CIITA: variants seen among roughly 807,000 people sequenced by gnomAD.
CIITA encodes class II major histocompatibility complex transactivator.
A neutral mutation model predicts 115.1 loss-of-function variants in CIITA; 72 were observed. That is an observed-to-expected ratio of 0.63 (90% confidence interval 0.52 to 0.76). CIITA has a LOEUF of 0.76. Among genes scored for constraint, CIITA ranks in the 30% least tolerant of loss-of-function variants. The pLI, the probability that CIITA is intolerant of heterozygous loss-of-function variation, is 0.00. For missense variants in CIITA, 1,617 were observed against 1,463.8 expected (o/e 1.10, Z -1.71); for synonymous variants, 763 against 635.6 (o/e 1.20, Z -3.02).
At chr16:10,877,434 T>C in intron 1 of CIITA, 52 bp downstream of exon 1, 7 of 1,559,414 alleles carry the variant, frequency 4.5e-6, no homozygotes, top group Middle Eastern at 1.7e-4. Flanking sequence ...CAGCTGGTCC[T>C]GCCATTCCAG....
intron 1 of CIITA, among the ~76,000 whole-genome samples, chr16:10,891,687 G>A (rs1056811563): frequency 2.6e-5 from 4 of 152,292 alleles, no homozygotes; most frequent in African/African-American, 7.2e-5. Context: ...GGGCAAAGGT[G>A]TCTTTTCTCA....
intron 1 of CIITA, among the ~76,000 whole-genome samples, chr16:10,887,661 C>A (rs12325238): frequency 0.33 from 49,629 of 151,832 alleles, 8,967 homozygotes; most frequent in East Asian, 0.54. Context: ...ACGCCCAGCT[C>A]ATTTTTGTAT....
chr16:10,919,495 C>G (rs921756628), intron 16 of CIITA, among the ~76,000 whole-genome samples: 2 of 130,012 alleles, frequency 1.5e-5, no homozygotes, highest in African/African-American at 5.2e-5. Context: ...GCCACCATGC[C>G]CGGCCAACTT....
intron 15 of CIITA, 22 bp from the exon 16 acceptor site, chr16:10,918,418 C>T: frequency 6.2e-7 from 1 of 1,609,552 alleles, no homozygotes; most frequent in Non-Finnish European, 8.5e-7. Context: ...CCTGAGCCCT[C>T]CCCCTCACTG....
intron 16 of CIITA, among the ~76,000 whole-genome samples, chr16:10,921,567 T>A (rs962703109): frequency 6.6e-6 from 1 of 152,252 alleles, no homozygotes; most frequent in Non-Finnish European, 1.5e-5. Flanking sequence ...GACTCTATCA[T>A]GCCCATTTTA....
In CIITA at chr16:10,936,100, C is replaced by G. The variant is rs2041012473; in HGVS notation, c.*12245C>G. The G allele has an allele frequency of 6.6e-6, 1 of 152,000 alleles. No homozygotes were observed. The highest frequency in any genetic ancestry group is 1.5e-5 in the Non-Finnish European group (1 of 68,038). The allele number at this position is 152,000 out of a possible 1,614,324, so 9.4% of individuals were successfully genotyped here. A position where few individuals can be genotyped will look rare whatever the true frequency, so the allele number is the denominator to read the frequency against. On this transcript the variant is annotated 3_prime_UTR_variant, in exon 20 of 20. Transcript: ENST00000324288. Reference sequence around the variant, plus strand: ...TGAACTCCCGGACTCAAGCAATCCTCCTGCCTGAGCCTTCCGAGTAACTGG... The same window carrying G: ...TGAACTCCCGGACTCAAGCAATCCTGCTGCCTGAGCCTTCCGAGTAACTGG...
intron 1 of CIITA, among the ~76,000 whole-genome samples, chr16:10,869,829 A>T (rs1416121837): frequency 6.6e-6 from 1 of 152,026 alleles, no homozygotes; most frequent in African/African-American, 2.4e-5. Context: ...TGTATATCTT[A>T]CTTTTGTATT....
chr16:10,880,791 G>T (rs2036346020), intron 1 of CIITA, among the ~76,000 whole-genome samples: 1 of 152,182 alleles, frequency 6.6e-6, no homozygotes, highest in Admixed American at 6.5e-5. Context: ...TCTGGACTTA[G>T]CCTCAGATTT....
At position 10,934,810 on chromosome 16, in the gene CIITA, C is replaced by T. The variant is rs1350056317; in HGVS notation, c.*10955C>T. ...GTTCCCCGCCACTCCAAGCTTGGGG[C>T]CTGGGATGGCAGCTGTGAGGGCACC... On this transcript the variant is annotated 3_prime_UTR_variant, in exon 20 of 20. Coordinates refer to ENST00000324288, the MANE Select transcript of CIITA (RefSeq NM_000246.4). This position sits in a 1 kb window ranked among gnomAD's most constrained non-coding sequence, Gnocchi z 4.2. 6.6e-6 allele frequency: 1 copy of T among 152,240 alleles called. No homozygotes were observed. Among genetic ancestry groups the T allele is most frequent in the Non-Finnish European group, 1.5e-5 (1 of 68,056 alleles). The allele number at this position is 152,240 out of a possible 1,614,324, so 9.4% of individuals were successfully genotyped here.
chr16:10,932,794 T>C lies in CIITA; in HGVS notation c.*8939T>C, dbSNP rs1488670875. On this transcript the variant is annotated 3_prime_UTR_variant, in exon 20 of 20. Coordinates refer to ENST00000324288, the MANE Select transcript of CIITA (RefSeq NM_000246.4). ...CACTGCAGTTCCAGGTTCAAGCAAT[T>C]CTCATGCCTCAGCCTCCTGAGTAGC... 1 of 151,314 alleles carries C rather than the reference T, an allele frequency of 6.6e-6. No homozygotes were observed. Among genetic ancestry groups the C allele is most frequent in the Non-Finnish European group, 1.5e-5 (1 of 67,866 alleles). The allele number at this position is 151,314 out of a possible 1,614,324, so 9.4% of individuals were successfully genotyped here. A position where few individuals can be genotyped will look rare whatever the true frequency, so the allele number is the denominator to read the frequency against.
chr16:10,867,555 AAG>A (rs1341574276), intron 1 of CIITA, among the ~76,000 whole-genome samples: 1 of 152,046 alleles, frequency 6.6e-6, no homozygotes, highest in Non-Finnish European at 1.5e-5. Flanking sequence ...GGGGGAAAGA[AAG>A]AGAGAGAAAG....
At position 10,918,539 on chromosome 16, in the gene CIITA, C is replaced by T; in HGVS notation, c.3149+13C>T. 4 of 1,612,584 alleles carry T rather than the reference C, an allele frequency of 2.5e-6. No homozygotes were observed. The highest frequency in any genetic ancestry group is 3.4e-6 in the Non-Finnish European group (4 of 1,178,960). ...TGCTCAGGCTAAGGTGAGTGGGGCC[C>T]CGGATACCGGTCAGGTGCTGAGCTG... On this transcript the variant is annotated intron_variant, in intron 16 of 19. Transcript: ENST00000324288.
chr16:10,914,139 G>T (rs1037572758), intron 13 of CIITA, among the ~76,000 whole-genome samples: 2 of 152,086 alleles, frequency 1.3e-5, no homozygotes, highest in African/African-American at 4.8e-5. Context: ...CGTCTGTTTG[G>T]CCCACAACTT....
chr16:10,879,351 A>G lies in CIITA; in HGVS notation c.52+1969A>G, dbSNP rs1013000578. On this transcript the variant is annotated intron_variant, in intron 1 of 19. Transcript: ENST00000324288. The surrounding 1 kb of genome is among the most constrained non-coding windows in gnomAD (Gnocchi z 4.3). ...AGCGCAGACTGGGAGCGCGGAGCAGACACACTCCCCCGGCCACCCTTGGCC... is the reference window on the plus strand; with the variant it reads ...AGCGCAGACTGGGAGCGCGGAGCAGGCACACTCCCCCGGCCACCCTTGGCC... Among the ~76,000 whole-genome samples the G allele has an allele frequency of 1.3e-5, 2 of 151,894 alleles. No individual in the cohort carries two copies. The highest frequency in any genetic ancestry group is 2.9e-5 in the Non-Finnish European group (2 of 67,966).
intron 13 of CIITA, among the ~76,000 whole-genome samples, chr16:10,911,876 C>T (rs534988349): frequency 6.6e-6 from 1 of 152,076 alleles, no homozygotes; most frequent in African/African-American, 2.4e-5. Flanking sequence ...ATTTGCAGCT[C>T]ACCTTCCATC....
downstream of CIITA, chr16:10,940,620 G>C (rs938493783): frequency 6.6e-6 from 1 of 152,508 alleles, no homozygotes; most frequent in Non-Finnish European, 1.5e-5. The surrounding 1 kb of genome is among the most constrained non-coding windows in gnomAD (Gnocchi z 4.2). Context: ...CCTGGCAGCT[G>C]CCTGACAGCT....
In CIITA at chr16:10,907,389, C is replaced by A. The variant is rs764011690; in HGVS notation, c.1897C>A (p.Leu633Met). 6.2e-7 allele frequency: 1 copy of A among 1,613,360 alleles called. No individual in the cohort carries two copies. Among genetic ancestry groups the A allele is most frequent in the South Asian group, 1.1e-5 (1 of 91,080 alleles). The change falls in exon 11 of 20, where the codon CTG becomes ATG. Residue 633 changes from leucine to methionine, a missense_variant. By Grantham distance (15) the Leu-to-Met change is conservative (BLOSUM62 2). Transcript: ENST00000324288. The surrounding 1 kb of genome is among the most constrained non-coding windows in gnomAD (Gnocchi z 5.0). ...GCTGGAGCTTGGGGAGGACGCCAAG[C>A]TGCCCTCCACGCTCACGGGACTCTA... Reference protein sequence around the residue: ...ALLELGEDAKLPSTLTGLYVG... With the variant: ...ALLELGEDAKMPSTLTGLYVG...
chr16:10,911,695 A>G (rs539134829), intron 13 of CIITA, among the ~76,000 whole-genome samples: 2 of 152,038 alleles, frequency 1.3e-5, no homozygotes, highest in Admixed American at 1.3e-4. Flanking sequence ...AGCTGGGACT[A>G]CAGGCATGCC....
chr16:10,873,347 G>T (rs962838553), upstream of CIITA, among the ~76,000 whole-genome samples: 1 of 152,222 alleles, frequency 6.6e-6, no homozygotes, highest in African/African-American at 2.4e-5. Context: ...GACATTAACA[G>T]ATGTATGATC....
Sources: allele counts gnomAD v4.1 joint callset (sites outside exome capture counted in the v4.1 genomes callset), GRCh38; gene constraint gnomAD v4.1.1; non-coding constraint Gnocchi (gnomAD v3.1); transcripts MANE v1.5; gene names NCBI Gene and HGNC (gene_info 2026-07-23, HGNC 2026-07-21).